Variants in LEMD1 observed in about 807,000 individuals in gnomAD.
LEMD1 encodes LEM domain containing 1.
In LEMD1, 18 loss-of-function variants were observed where a neutral mutation model predicts 17.4. The observed-to-expected ratio is 1.04, with a 90% CI of 0.72 to 1.54. The LOEUF (loss-of-function observed/expected upper bound fraction) is 1.54. LEMD1 is among the 40% of genes most tolerant of loss of function. The pLI, the probability that LEMD1 is intolerant of heterozygous loss-of-function variation, is 0.00. For synonymous variants in LEMD1, 88 were observed against 77.8 expected, an observed-to-expected ratio of 1.13 and a Z score of -0.69; for missense variants, 195 against 210.4, an observed-to-expected ratio of 0.93 and a Z score of 0.45.
At position 205,381,855 on chromosome 1, in the gene LEMD1, A is replaced by T. The variant is rs1663715104; in HGVS notation, c.349T>A (p.Trp117Arg). The T allele has an allele frequency of 6.2e-7, 1 of 1,613,980 alleles. No individual in the cohort carries two copies. Among genetic ancestry groups the T allele is most frequent in the African/African-American group, 1.3e-5 (1 of 74,888 alleles). The change falls in exon 6 of 6, where the codon TGG (tryptophan) becomes AGG (arginine). Residue 117 changes from tryptophan to arginine, a missense_variant and splice_region_variant. By Grantham distance (101) the Trp-to-Arg change is moderately radical. Coordinates refer to ENST00000367153, the MANE Select transcript of LEMD1 (RefSeq NM_001199050.2). ...LDYKPSKGRR[W>R]AARAPSTRIT... ...CTGGTGCTTGGTGCTCTTGCAGCCCACCTGTGAAAACATCAGTGGCTCTTA... is the reference window on the plus strand; with the variant it reads ...CTGGTGCTTGGTGCTCTTGCAGCCCTCCTGTGAAAACATCAGTGGCTCTTA...
chr1:205,389,129 A>G (rs1257526756), intron 4 of LEMD1, among the ~76,000 whole-genome samples: 3 of 135,524 alleles, frequency 2.2e-5, no homozygotes, highest in African/African-American at 5.5e-5. Flanking sequence ...GCTCACTGCA[A>G]CCTCCGCTTC....
chr1:205,385,120 A>G (rs1663927896), intron 4 of LEMD1: 1 of 152,154 alleles, frequency 6.6e-6, no homozygotes, highest in South Asian at 2.1e-4. Flanking sequence ...TTTCCCCCAT[A>G]GGAAATCTTG....
chr1:205,424,728 A>C (rs1414766762), upstream of LEMD1, among the ~76,000 whole-genome samples: 1 of 152,222 alleles, frequency 6.6e-6, no homozygotes, highest in Admixed American at 6.5e-5. Flanking sequence ...TGTAGTGAGC[A>C]AGACAAGAAG....
intron 4 of LEMD1, among the ~76,000 whole-genome samples, chr1:205,414,313 T>G (rs1204263043): frequency 6.6e-6 from 1 of 151,442 alleles, no homozygotes; most frequent in African/African-American, 2.4e-5. Flanking sequence ...CCGGGCAAGG[T>G]GGCTGATGCC....
At chr1:205,424,000 G>A (rs573817484), upstream of LEMD1, among the ~76,000 whole-genome samples, 1 of 152,280 alleles carries the variant, frequency 6.6e-6, no homozygotes, top group South Asian at 2.1e-4. Flanking sequence ...TGTCACTTCA[G>A]TCTCAGGTTT....
chr1:205,416,611 C>T (rs1665709086), intron 3 of LEMD1, among the ~76,000 whole-genome samples: 1 of 152,132 alleles, frequency 6.6e-6, no homozygotes, highest in African/African-American at 2.4e-5. Context: ...GCTGTAAGCC[C>T]CATGCATCCC....
chr1:205,414,683 TAA>T (rs770153462), intron 4 of LEMD1, among the ~76,000 whole-genome samples: 4 of 152,074 alleles, frequency 2.6e-5, no homozygotes, highest in Non-Finnish European at 4.4e-5. Flanking sequence ...CTTGGCCTCC[TAA>T]AGTGCTGGGA....
chr1:205,432,702 G>T (rs912011354), intron 1 of LEMD1, among the ~76,000 whole-genome samples: 1 of 152,222 alleles, frequency 6.6e-6, no homozygotes, highest in African/African-American at 2.4e-5. Context: ...AAGAAGAGAG[G>T]AGGGTCCCCG....
upstream of LEMD1, among the ~76,000 whole-genome samples, chr1:205,426,925 C>A (rs1666064980): frequency 1.3e-5 from 2 of 152,200 alleles, no homozygotes; most frequent in Middle Eastern, 3.4e-3. Context: ...TCACCCCAGT[C>A]ACTCTGTGAA....
chr1:205,408,992 C>A (rs1665260302), intron 4 of LEMD1, among the ~76,000 whole-genome samples: 2 of 151,992 alleles, frequency 1.3e-5, no homozygotes, highest in South Asian at 4.1e-4. Context: ...TGTGCACCAC[C>A]ACACCGGGCT....
intron 3 of LEMD1, among the ~76,000 whole-genome samples, chr1:205,417,066 G>A (rs1432386995): frequency 6.6e-6 from 1 of 152,158 alleles, no homozygotes; most frequent in Non-Finnish European, 1.5e-5. Flanking sequence ...CCCCCGTCCA[G>A]TTCATTACAA....
At chr1:205,422,915 G>T (rs983171348), upstream of LEMD1, among the ~76,000 whole-genome samples, 18 of 152,164 alleles carry the variant, frequency 1.2e-4, no homozygotes, top group African/African-American at 4.3e-4. Context: ...CCTCCTCTTT[G>T]TCCATAATGG....
intron 1 of LEMD1, among the ~76,000 whole-genome samples, chr1:205,428,100 C>G (rs572822584): frequency 2.0e-5 from 3 of 152,360 alleles, no homozygotes; most frequent in Admixed American, 2.0e-4. Context: ...TATCCTAAGA[C>G]AGTGGGAGCC....
intron 4 of LEMD1, among the ~76,000 whole-genome samples, chr1:205,403,251 G>A (rs1664934693): frequency 6.6e-6 from 1 of 152,062 alleles, no homozygotes; most frequent in South Asian, 2.1e-4. Context: ...TTTTTCTATT[G>A]ATTGGAATAG....
intron 4 of LEMD1, among the ~76,000 whole-genome samples, chr1:205,389,037 C>CTT (rs61341380): frequency 0.1 from 7,905 of 77,412 alleles, 1,489 homozygotes; most frequent in East Asian, 0.15. Flanking sequence ...CATTTGCTTT[C>CTT]TTTTTTTTTT....
chr1:205,389,840 T>G (rs1333433211), intron 4 of LEMD1, among the ~76,000 whole-genome samples: 1 of 152,240 alleles, frequency 6.6e-6, no homozygotes, highest in East Asian at 1.9e-4. Context: ...CTTTATTGAC[T>G]AAAAATTATT....
At chr1:205,425,034 T>C (rs1323874788), upstream of LEMD1, among the ~76,000 whole-genome samples, 1 of 152,202 alleles carries the variant, frequency 6.6e-6, no homozygotes, top group Non-Finnish European at 1.5e-5. Context: ...CACAACAGGA[T>C]GGCTGATTAT....
intron 1 of LEMD1, among the ~76,000 whole-genome samples, chr1:205,438,903 G>C (rs547468429): frequency 6.6e-5 from 10 of 152,146 alleles, no homozygotes; most frequent in African/African-American, 2.4e-4. Context: ...AGGCGCACAA[G>C]GGGAAAGCTC....
intron 4 of LEMD1, among the ~76,000 whole-genome samples, chr1:205,415,350 T>A (rs557398775): frequency 1.7e-3 from 251 of 152,092 alleles, no homozygotes; most frequent in African/African-American, 5.8e-3. Context: ...GAGAAGCGTG[T>A]GTGGGGACGC....
Sources: gnomAD v4.1 joint callset for allele counts (sites outside exome capture counted in the v4.1 genomes callset) on GRCh38, gnomAD v4.1.1 for gene constraint, MANE v1.5 for transcripts, NCBI Gene and HGNC (gene_info 2026-07-23, HGNC 2026-07-21) for gene names.